Variants in PHF14 observed in about 807,000 individuals in gnomAD.
PHF14 encodes PHD finger protein 14.
In PHF14, 55 loss-of-function variants were observed where a neutral mutation model predicts 117.9. That is an observed-to-expected ratio of 0.47 (90% CI 0.38 to 0.58). The LOEUF (loss-of-function observed/expected upper bound fraction) is 0.58. Ranked by LOEUF, PHF14 falls within the 20% of genes least tolerant of loss-of-function variation. The pLI, the probability that PHF14 is intolerant of heterozygous loss-of-function variation, is 0.00. For synonymous variants in PHF14, 409 were observed against 368.6 expected, an observed-to-expected ratio of 1.11 and a Z score of -1.26; for missense variants, 978 against 1,122.2, an observed-to-expected ratio of 0.87 and a Z score of 1.84.
intron 3 of PHF14, among the ~76,000 whole-genome samples, chr7:10,986,224 T>A (rs796812549): frequency 6.6e-6 from 1 of 151,666 alleles, no homozygotes; most frequent in African/African-American, 2.4e-5. Context: ...CCACAAGCAG[T>A]CCTCCTGCTT....
Position 10,983,163 on chromosome 7 carries a change from G to C in PHF14, c.900+4G>C. The C allele has an allele frequency of 6.3e-7, 1 of 1,580,982 alleles. No homozygotes were observed. The highest frequency in any genetic ancestry group is 8.5e-7 in the Non-Finnish European group (1 of 1,170,142). ...ATCTCAAAGCAAGAGTAATGAGGTA[G>C]ATCAACCCAATTTTTATATCTGTCT... On this transcript the variant is annotated splice_donor_region_variant and intron_variant, in intron 3 of 17. Transcript: ENST00000634607.
intron 2 of PHF14, among the ~76,000 whole-genome samples, chr7:10,979,958 A>G (rs1313695044): frequency 6.6e-6 from 1 of 152,146 alleles, no homozygotes; most frequent in East Asian, 1.9e-4. Context: ...GTTAACAAAC[A>G]TAAAACATTA....
intron 3 of PHF14, among the ~76,000 whole-genome samples, chr7:10,990,241 T>C (rs890849090): frequency 6.6e-6 from 1 of 152,216 alleles, no homozygotes; most frequent in African/African-American, 2.4e-5. Context: ...TTTCCTATTT[T>C]GTATATGTGC....
intron 14 of PHF14, among the ~76,000 whole-genome samples, chr7:11,060,912 T>TATC (rs58359719): frequency 0.56 from 84,988 of 151,618 alleles, 25,763 homozygotes; most frequent in East Asian, 0.85. Context: ...GTGTACTTGA[T>TATC]ATGAAGAATT....
At chr7:11,039,623 G>C (rs1175800831) in intron 11 of PHF14, among the ~76,000 whole-genome samples, 1 of 152,150 alleles carries the variant, frequency 6.6e-6, no homozygotes, top group East Asian at 1.9e-4. Context: ...TTTTCGAACA[G>C]ATATTTTTCA....
At chr7:11,047,230 A>G (rs866600285) in intron 13 of PHF14, among the ~76,000 whole-genome samples, 1 of 151,872 alleles carries the variant, frequency 6.6e-6, no homozygotes. Context: ...CACCACGCCC[A>G]GCTAATTTTT....
chr7:11,095,088 A>G (rs1387522962), intron 16 of PHF14, among the ~76,000 whole-genome samples: 1 of 152,172 alleles, frequency 6.6e-6, no homozygotes, highest in Non-Finnish European at 1.5e-5. Flanking sequence ...CTTTATAGTA[A>G]TAGCAGTAGT....
intron 5 of PHF14, among the ~76,000 whole-genome samples, chr7:11,021,792 T>C (rs533609637): frequency 1.9e-4 from 29 of 152,166 alleles, no homozygotes; most frequent in African/African-American, 6.7e-4. Context: ...TTTTCCCCAA[T>C]AAAAAAGATA....
chr7:11,023,111 T>G, intron 6 of PHF14, 132 bp downstream of exon 6: 1 of 519,974 alleles, frequency 1.9e-6, no homozygotes. Context: ...CTAAATCATT[T>G]ATTATTGATA....
intron 6 of PHF14, among the ~76,000 whole-genome samples, chr7:11,027,959 T>TA (rs1483102879): frequency 6.6e-6 from 1 of 152,200 alleles, no homozygotes; most frequent in Non-Finnish European, 1.5e-5. Flanking sequence ...AAAATGGGAA[T>TA]AGTTATAGTA....
chr7:11,118,810 ATATT>A (rs1162194940), intron 17 of PHF14, among the ~76,000 whole-genome samples: 1 of 151,856 alleles, frequency 6.6e-6, no homozygotes, highest in Non-Finnish European at 1.5e-5. Flanking sequence ...CAGATAATAT[ATATT>A]AAACGTATAT....
At chr7:10,991,042 G>A (rs1782430231) in intron 4 of PHF14, among the ~76,000 whole-genome samples, 195 bp downstream of exon 4, 1 of 152,090 alleles carries the variant, frequency 6.6e-6, no homozygotes, top group African/African-American at 2.4e-5. Flanking sequence ...CCAGGCTGGA[G>A]TGCAGTGGCA....
At chr7:10,994,753 G>A (rs917480582) in intron 4 of PHF14, among the ~76,000 whole-genome samples, 1 of 152,132 alleles carries the variant, frequency 6.6e-6, no homozygotes, top group Non-Finnish European at 1.5e-5. Context: ...TCTTCTTTCT[G>A]GTGGGTTCGT....
intron 13 of PHF14, among the ~76,000 whole-genome samples, chr7:11,046,296 C>A (rs570754317): frequency 1.3e-5 from 2 of 152,218 alleles, no homozygotes; most frequent in African/African-American, 4.8e-5. Flanking sequence ...TTAATCATCT[C>A]TTAATTTTAG....
intron 2 of PHF14, among the ~76,000 whole-genome samples, chr7:10,978,523 T>C (rs1448862837): frequency 6.6e-6 from 1 of 152,174 alleles, no homozygotes; most frequent in Non-Finnish European, 1.5e-5. Flanking sequence ...TGGGGATCAG[T>C]GTTGAGTAAA....
intron 16 of PHF14, among the ~76,000 whole-genome samples, chr7:11,081,676 G>A (rs1354989196): frequency 1.3e-5 from 2 of 151,240 alleles, no homozygotes; most frequent in African/African-American, 4.9e-5. Context: ...CTAACAGGAT[G>A]AAACCCTGTC....
intron 7 of PHF14, among the ~76,000 whole-genome samples, chr7:11,030,093 C>G (rs1179637663): frequency 2.0e-5 from 3 of 150,500 alleles, no homozygotes; most frequent in Non-Finnish European, 3.0e-5. Context: ...GTTCCAGTCT[C>G]TTGATTTTAA....
intron 16 of PHF14, among the ~76,000 whole-genome samples, chr7:11,097,179 A>T (rs1046965426): frequency 6.6e-6 from 1 of 151,814 alleles, no homozygotes; most frequent in Admixed American, 6.6e-5. Flanking sequence ...GGGTTTCACC[A>T]TGTTGGTCCG....
intron 7 of PHF14, among the ~76,000 whole-genome samples, chr7:11,030,538 C>T (rs1444960034): frequency 1.3e-5 from 2 of 152,120 alleles, no homozygotes; most frequent in Non-Finnish European, 2.9e-5. Flanking sequence ...TTGGAGAGTG[C>T]ATCTCCGTCT....
Sources: gnomAD v4.1 joint callset for allele counts (sites outside exome capture counted in the v4.1 genomes callset) on GRCh38, gnomAD v4.1.1 for gene constraint, MANE v1.5 for transcripts, NCBI Gene and HGNC (gene_info 2026-07-23, HGNC 2026-07-21) for gene names.